Variants in SIPA1L3 observed in about 807,000 individuals in gnomAD.
SIPA1L3 encodes the protein signal induced proliferation associated 1 like 3.
SIPA1L3 carries 59 observed loss-of-function variants against 150.1 expected under a neutral mutation model. The observed-to-expected ratio is 0.39, with a 90% CI of 0.32 to 0.49. SIPA1L3 has a LOEUF of 0.49. Among genes scored for constraint, SIPA1L3 ranks in the 20% least tolerant of loss-of-function variants. The pLI, the probability that SIPA1L3 is intolerant of heterozygous loss-of-function variation, is 0.86. For synonymous variants in SIPA1L3, 1,070 were observed against 1,077.6 expected (o/e 0.99, Z 0.14); for missense variants, 2,211 against 2,489.5 (o/e 0.89, Z 2.38).
At chr19:38,053,271 G>A (rs1351821784) in intron 2 of SIPA1L3, among the ~76,000 whole-genome samples, 1 of 152,250 alleles carries the variant, frequency 6.6e-6, no homozygotes, top group Non-Finnish European at 1.5e-5. Context: ...CGACGTGATT[G>A]CTAAGGTGAC....
intron 4 of SIPA1L3, among the ~76,000 whole-genome samples, chr19:38,096,830 A>C (rs1970390887): frequency 6.6e-6 from 1 of 152,136 alleles, no homozygotes; most frequent in Admixed American, 6.6e-5. Flanking sequence ...ATGCCTGGTG[A>C]TTTAGCAATT....
chr19:38,024,889 G>A (rs1428700331), intron 1 of SIPA1L3, among the ~76,000 whole-genome samples: 1 of 152,180 alleles, frequency 6.6e-6, no homozygotes, highest in Non-Finnish European at 1.5e-5. Flanking sequence ...GCAAAGGGAA[G>A]TTAATGGTTC....
intron 21 of SIPA1L3, among the ~76,000 whole-genome samples, chr19:38,205,531 G>A (rs1247837870): frequency 6.6e-6 from 1 of 152,028 alleles, no homozygotes; most frequent in Non-Finnish European, 1.5e-5. Flanking sequence ...AGCCAGAAAG[G>A]TGGCAGAGTA....
intron 1 of SIPA1L3, among the ~76,000 whole-genome samples, chr19:38,026,192 T>TGGC (rs1196930647): frequency 6.6e-6 from 1 of 152,246 alleles, no homozygotes; most frequent in African/African-American, 2.4e-5. Flanking sequence ...TTTTACCTCC[T>TGGC]GGCTCAGCAT....
At chr19:38,202,907 C>T (rs551516451) in intron 20 of SIPA1L3, among the ~76,000 whole-genome samples, 48 of 152,262 alleles carry the variant, frequency 3.2e-4, no homozygotes, top group Admixed American at 6.5e-4. Context: ...TCACATTCAG[C>T]GCAGCATATT....
intron 1 of SIPA1L3, among the ~76,000 whole-genome samples, chr19:37,913,446 C>A (rs1023990804): frequency 1.3e-5 from 2 of 152,138 alleles, no homozygotes; most frequent in East Asian, 3.9e-4. Context: ...CTCGCTGTCA[C>A]CCAGGCTGGC....
intron 6 of SIPA1L3, among the ~76,000 whole-genome samples, chr19:38,105,269 G>A (rs1970597188): frequency 6.6e-6 from 1 of 151,990 alleles, no homozygotes; most frequent in South Asian, 2.1e-4. Flanking sequence ...GGAGGCTGAA[G>A]CAGGAGAATT....
chr19:38,011,415 G>A (rs1371009762), intron 1 of SIPA1L3, among the ~76,000 whole-genome samples: 2 of 152,206 alleles, frequency 1.3e-5, no homozygotes, highest in South Asian at 2.1e-4. Context: ...GGTCCAGGCT[G>A]CAGTGAGCCA....
intron 1 of SIPA1L3, among the ~76,000 whole-genome samples, chr19:38,007,240 G>A (rs1485574596): frequency 6.6e-6 from 1 of 152,206 alleles, no homozygotes; most frequent in Non-Finnish European, 1.5e-5. Flanking sequence ...ATCATTTGAG[G>A]TCAGGAGTTC....
At chr19:38,062,649 CTG>C (rs1969473695) in intron 2 of SIPA1L3, among the ~76,000 whole-genome samples, 1 of 151,904 alleles carries the variant, frequency 6.6e-6, no homozygotes, top group Non-Finnish European at 1.5e-5. Flanking sequence ...GAGTCTCACT[CTG>C]TTGCCCAGGC....
chr19:38,129,256 C>T (rs1187220959), intron 9 of SIPA1L3, among the ~76,000 whole-genome samples: 1 of 152,148 alleles, frequency 6.6e-6, no homozygotes, highest in African/African-American at 2.4e-5. Context: ...GGAGGCCAGG[C>T]CCTGCGTGGT....
chr19:38,197,404 G>A (rs935633113), intron 18 of SIPA1L3, among the ~76,000 whole-genome samples: 2 of 152,032 alleles, frequency 1.3e-5, no homozygotes, highest in Non-Finnish European at 2.9e-5. Flanking sequence ...CAGTGCTGGC[G>A]CCGTTGCTTC....
At chr19:38,085,409 G>A (rs1970103272) in intron 3 of SIPA1L3, among the ~76,000 whole-genome samples, 1 of 151,206 alleles carries the variant, frequency 6.6e-6, no homozygotes, top group Admixed American at 6.6e-5. Context: ...GAACCCGGGA[G>A]GCAGAGCTTG....
In SIPA1L3 at chr19:37,941,071, T is replaced by TACACACACAC. The variant is rs869026715; in HGVS notation, c.-379+33719_-379+33728dup. On this transcript the variant is annotated intron_variant, in intron 1 of 21. Coordinates refer to ENST00000222345, the MANE Select transcript of SIPA1L3 (RefSeq NM_015073.3). Reference sequence around the variant, plus strand: ...GTAGGTGAATTTCAGGTTTGAGATGTACACACACACACACATACACACACA... The same window carrying TACACACACAC: ...GTAGGTGAATTTCAGGTTTGAGATGTACACACACACACACACACACACACATACACACACA... Among the ~76,000 whole-genome samples, 1,281 of 133,056 alleles carry TACACACACAC rather than the reference T, an allele frequency of 9.6e-3. 14 individuals carry two copies. Among genetic ancestry groups the TACACACACAC allele is most frequent in the East Asian group, 0.022 (100 of 4,570 alleles). 87.3% of individuals were successfully genotyped at this position (133,056 alleles called of 152,430 possible).
At chr19:38,195,959 G>C (rs1296370018) in intron 18 of SIPA1L3, among the ~76,000 whole-genome samples, 2 of 152,100 alleles carry the variant, frequency 1.3e-5, no homozygotes, top group East Asian at 3.9e-4. Context: ...TCACTGCTGT[G>C]ACCCCAGCTC....
intron 9 of SIPA1L3, among the ~76,000 whole-genome samples, chr19:38,128,274 G>T (rs1215736150): frequency 6.6e-6 from 1 of 151,954 alleles, no homozygotes; most frequent in Non-Finnish European, 1.5e-5. Context: ...GTAATAGGAT[G>T]GGAAAGAATA....
At position 38,082,250 on chromosome 19, in the gene SIPA1L3, C is replaced by G. The variant is rs1568539377; in HGVS notation, c.685C>G (p.Gln229Glu). The G allele has an allele frequency of 6.2e-7, 1 of 1,600,976 alleles. No individual in the cohort carries two copies. The highest frequency in any genetic ancestry group is 8.5e-7 in the Non-Finnish European group (1 of 1,179,748). Residue 229 changes from glutamine (Q) to glutamate (E), a missense_variant, in exon 3 of 22, where the codon CAG becomes GAG. Around this residue, in one of 5 missense-constraint regions of SIPA1L3, gnomAD observed 587 missense variants for 534.5 expected, o/e 1.10. Transcript: ENST00000222345. ...CATCCTGAACGAGTTCCGCAGCGAGCAGCCCGACGCCCGAGGGTGCCAGGC... is the reference window on the plus strand; with the variant it reads ...CATCCTGAACGAGTTCCGCAGCGAGGAGCCCGACGCCCGAGGGTGCCAGGC... Reference protein sequence around the residue: ...FDILNEFRSEQPDARGCQALT... With the variant: ...FDILNEFRSEEPDARGCQALT...
intron 1 of SIPA1L3, among the ~76,000 whole-genome samples, chr19:37,939,547 C>G (rs540146572): frequency 6.6e-6 from 1 of 152,304 alleles, no homozygotes; most frequent in South Asian, 2.1e-4. Context: ...TCATCAGGGA[C>G]CCAGGCTGCT....
At chr19:38,005,519 C>T (rs1349328526) in intron 1 of SIPA1L3, among the ~76,000 whole-genome samples, 2 of 152,186 alleles carry the variant, frequency 1.3e-5, no homozygotes, top group Non-Finnish European at 2.9e-5. Flanking sequence ...ACTCCTCCTT[C>T]AGATGTCTCC....
Sources: gnomAD v4.1 joint callset for allele counts (sites outside exome capture counted in the v4.1 genomes callset) on GRCh38, gnomAD v4.1.1 for gene constraint, gnomAD v4.1.1 regional missense constraint, MANE v1.5 for transcripts, NCBI Gene and HGNC (gene_info 2026-07-23, HGNC 2026-07-21) for gene names.